Variants in GLIS3 observed in about 807,000 individuals in gnomAD.
The protein encoded by GLIS3 is zinc finger protein GLIS3.
GLIS3 carries 53 observed loss-of-function variants against 78.6 expected under a neutral mutation model. The observed-to-expected ratio is 0.67, with a 90% CI of 0.54 to 0.85. The LOEUF (loss-of-function observed/expected upper bound fraction) is 0.85. Ranked by LOEUF, GLIS3 falls within the 40% of genes least tolerant of loss-of-function variation. GLIS3 has a pLI of 0.00. For missense variants in GLIS3, 1,703 were observed against 1,231.1 expected, an observed-to-expected ratio of 1.38 and a Z score of -5.74; for synonymous variants, 684 against 509.9, an observed-to-expected ratio of 1.34 and a Z score of -4.60.
chr9:3,985,133 T>C (rs529455251), intron 4 of GLIS3, among the ~76,000 whole-genome samples: 1 of 151,248 alleles, frequency 6.6e-6, no homozygotes. Flanking sequence ...ACCATTTCAG[T>C]CAAAATTATT....
intron 4 of GLIS3, among the ~76,000 whole-genome samples, chr9:4,077,611 A>G (rs1043792828): frequency 6.6e-6 from 1 of 152,138 alleles, no homozygotes; most frequent in Non-Finnish European, 1.5e-5. Flanking sequence ...ATATCCTTCT[A>G]TGCTGTTCTT....
chr9:4,322,146 G>A (rs939185521), intron 2 of GLIS3, among the ~76,000 whole-genome samples: 5 of 152,098 alleles, frequency 3.3e-5, no homozygotes, highest in African/African-American at 1.2e-4. Context: ...TTCCATCCTT[G>A]TGATAGTTTG....
the GLIS3 span, among the ~76,000 whole-genome samples, chr9:4,406,263 C>G: frequency 2.0e-5 from 3 of 152,220 alleles, no homozygotes; most frequent in East Asian, 1.9e-4. Context: ...GGCATCCCAA[C>G]TGGAAAGGAA....
intron 6 of GLIS3, among the ~76,000 whole-genome samples, chr9:3,919,882 A>G (rs1824758404): frequency 6.6e-6 from 1 of 152,008 alleles, no homozygotes; most frequent in Non-Finnish European, 1.5e-5. Flanking sequence ...CACCCATGAA[A>G]ATACCCAGCA....
At chr9:4,138,693 T>C (rs1377617682) in intron 2 of GLIS3, among the ~76,000 whole-genome samples, 1 of 152,242 alleles carries the variant, frequency 6.6e-6, no homozygotes, top group East Asian at 1.9e-4. Flanking sequence ...TTAAGCTCTC[T>C]GTGCCTCTAT....
At chr9:4,100,431 G>A (rs1445185169) in intron 4 of GLIS3, among the ~76,000 whole-genome samples, 2 of 152,116 alleles carry the variant, frequency 1.3e-5, no homozygotes, top group Non-Finnish European at 1.5e-5. Flanking sequence ...TGGATAATCA[G>A]GGAAAACAAA....
rs891058929 is a variant in GLIS3, at chr9:3,828,058, G to A, written c.*214C>T. 5.0e-6 allele frequency: 3 copies of A among 602,466 alleles called. No homozygotes were observed. The highest frequency in any genetic ancestry group is 3.7e-5 in the African/African-American group (2 of 53,928). The allele number at this position is 602,466 out of a possible 1,614,324, so 37.3% of individuals were successfully genotyped here. On this transcript the variant is annotated 3_prime_UTR_variant, in exon 11 of 11. Coordinates refer to ENST00000381971, the MANE Select transcript of GLIS3 (RefSeq NM_001042413.2). ...AAAAGACAGTCCTCCTGGTCACATAGTCCAGGAAAACCAGAGAGAAAAAGG... is the reference window on the plus strand; with the variant it reads ...AAAAGACAGTCCTCCTGGTCACATAATCCAGGAAAACCAGAGAGAAAAAGG...
chr9:4,421,611 T>A, the GLIS3 span, among the ~76,000 whole-genome samples: 2 of 152,238 alleles, frequency 1.3e-5, no homozygotes, highest in Non-Finnish European at 2.9e-5. Context: ...CAGTTGTCAC[T>A]GGAACCGGCA....
intron 9 of GLIS3, among the ~76,000 whole-genome samples, chr9:3,841,316 A>G (rs184719337): frequency 1.3e-5 from 2 of 152,322 alleles, no homozygotes. Flanking sequence ...CACATTTGGA[A>G]AATACATAAA....
At chr9:4,206,175 C>A (rs1819862672) in intron 2 of GLIS3, among the ~76,000 whole-genome samples, 2 of 152,212 alleles carry the variant, frequency 1.3e-5, no homozygotes, top group Admixed American at 6.5e-5. Context: ...ACAGAACTAT[C>A]TGGAAAGGGA....
chr9:4,107,898 G>A (rs1018004866), intron 4 of GLIS3, among the ~76,000 whole-genome samples: 1 of 152,042 alleles, frequency 6.6e-6, no homozygotes, highest in African/African-American at 2.4e-5. Flanking sequence ...TTCACACAGT[G>A]CAAATAACAG....
At chr9:4,337,250 C>T (rs570803209) in intron 2 of GLIS3, among the ~76,000 whole-genome samples, 11 of 152,300 alleles carry the variant, frequency 7.2e-5, no homozygotes, top group Admixed American at 6.5e-4. Flanking sequence ...CAGAAAAATA[C>T]TTTATCTACA....
the GLIS3 span, among the ~76,000 whole-genome samples, chr9:4,437,923 T>C: frequency 3.9e-5 from 6 of 152,244 alleles, no homozygotes; most frequent in Non-Finnish European, 7.3e-5. Flanking sequence ...ATAGAAAATA[T>C]GTGTTAATTG....
chr9:4,362,980 GAAGAAAAAGA>G, the GLIS3 span, among the ~76,000 whole-genome samples: 3 of 152,056 alleles, frequency 2.0e-5, no homozygotes, highest in Admixed American at 6.6e-5. Flanking sequence ...GATAGAGGCA[GAAGAAAAAGA>G]GAGGAAAAGA....
At chr9:4,371,216 T>C in the GLIS3 span, among the ~76,000 whole-genome samples, 1 of 152,222 alleles carries the variant, frequency 6.6e-6, no homozygotes, top group East Asian at 1.9e-4. Flanking sequence ...ACAATTTCCA[T>C]CGGCTGATTC....
At chr9:4,394,662 G>T in the GLIS3 span, among the ~76,000 whole-genome samples, 9 of 152,084 alleles carry the variant, frequency 5.9e-5, no homozygotes, top group African/African-American at 2.2e-4. Context: ...TTCAGAAAAG[G>T]AAACCCACTG....
chr9:3,888,777 A>G (rs16919885), intron 7 of GLIS3, among the ~76,000 whole-genome samples: 21,762 of 152,204 alleles, frequency 0.14, 1,820 homozygotes, highest in Non-Finnish European at 0.19. Flanking sequence ...TAGATGCTAG[A>G]AGGTACTCAC....
intron 7 of GLIS3, among the ~76,000 whole-genome samples, chr9:3,884,063 T>C (rs2130496765): frequency 6.6e-6 from 1 of 152,352 alleles, no homozygotes; most frequent in Admixed American, 6.5e-5. Flanking sequence ...TGTTGATCTA[T>C]GTGGTTCTCA....
chr9:4,214,321 C>A (rs899140246), intron 2 of GLIS3, among the ~76,000 whole-genome samples: 1 of 152,180 alleles, frequency 6.6e-6, no homozygotes, highest in African/African-American at 2.4e-5. Context: ...ACGGTTGGCC[C>A]CAGCAGGCGG....
Sources: gnomAD v4.1 joint callset for allele counts (sites outside exome capture counted in the v4.1 genomes callset) on GRCh38, gnomAD v4.1.1 for gene constraint, MANE v1.5 for transcripts, NCBI Gene and HGNC (gene_info 2026-07-23, HGNC 2026-07-21) for gene names.